SFT2D3: variants seen among roughly 807,000 people sequenced by gnomAD.
The protein encoded by SFT2D3 is SFT2 domain containing 3, also known as vesicle transport protein SFT2C.
For synonymous variants in SFT2D3, 239 were observed against 191.2 expected, an observed-to-expected ratio of 1.25 and a Z score of -2.06; for missense variants, 405 against 334.6, an observed-to-expected ratio of 1.21 and a Z score of -1.64.
rs1685966993 is a variant in SFT2D3 at position 127,704,586 on chromosome 2, G to A, written c.*2410G>A. 6.0e-6 allele frequency: 1 copy of A among 166,994 alleles called. No homozygotes were observed. The highest frequency in any genetic ancestry group is 1.9e-4 in the East Asian group (1 of 5,184). The allele number at this position is 166,994 out of a possible 1,614,324, so 10.3% of individuals were successfully genotyped here. A position where few individuals can be genotyped will look rare whatever the true frequency, so the allele number is the denominator to read the frequency against. ...CTCCTAATAGCATGTTTATGGTGGA[G>A]CGCTGATTAAATAAGCTGTAATTTC... On this transcript the variant is annotated 3_prime_UTR_variant, in exon 1 of 1. Coordinates refer to ENST00000310981, the MANE Select transcript of SFT2D3 (RefSeq NM_032740.4).
At position 127,702,329 on chromosome 2, in the gene SFT2D3, C is replaced by A; in HGVS notation, c.*153C>A. 1.3e-6 allele frequency: 1 copy of A among 761,604 alleles called. No individual in the cohort carries two copies. Among genetic ancestry groups the A allele is most frequent in the Non-Finnish European group, 1.8e-6 (1 of 569,336 alleles). The allele number at this position is 761,604 out of a possible 1,614,324, so 47.2% of individuals were successfully genotyped here. A position where few individuals can be genotyped will look rare whatever the true frequency, so the allele number is the denominator to read the frequency against. ...GAGTCTAATCCGGGAGCGGCTGCTG[C>A]CAGCGGAGGCGACAGCAGCGTTGGG... On this transcript the variant is annotated 3_prime_UTR_variant, in exon 1 of 1. Coordinates refer to ENST00000310981, the MANE Select transcript of SFT2D3 (RefSeq NM_032740.4).
Position 127,702,233 on chromosome 2 carries a change from C to A in SFT2D3, c.*57C>A. 8.4e-7 allele frequency: 1 copy of A among 1,190,316 alleles called. No homozygotes were observed. The highest frequency in any genetic ancestry group is 1.0e-6 in the Non-Finnish European group (1 of 954,190). 73.7% of individuals were successfully genotyped at this position (1,190,316 alleles called of 1,614,324 possible). ...GCGGAGCCAGCGCCGTCGGAGACCGCGCCGGCCGAGCTGAGGACTGCACGC... is the reference window on the plus strand; with the variant it reads ...GCGGAGCCAGCGCCGTCGGAGACCGAGCCGGCCGAGCTGAGGACTGCACGC... On this transcript the variant is annotated 3_prime_UTR_variant, in exon 1 of 1. Transcript: ENST00000310981.
chr2:127,703,545 T>C lies in SFT2D3; in HGVS notation c.*1369T>C, dbSNP rs775553872. The C allele has an allele frequency of 2.4e-5, 4 of 167,238 alleles. No individual in the cohort carries two copies. Among genetic ancestry groups the C allele is most frequent in the Middle Eastern group, 3.4e-3 (1 of 296 alleles). 10.4% of individuals were successfully genotyped at this position (167,238 alleles called of 1,614,324 possible). A position where few individuals can be genotyped will look rare whatever the true frequency, so the allele number is the denominator to read the frequency against. ...TGACACAAGTGGCCAACATCCACAC[T>C]GTAGGCTTGCAGGCTACCCGCCCTG... On this transcript the variant is annotated 3_prime_UTR_variant, in exon 1 of 1. Transcript: ENST00000310981.
In SFT2D3 at chr2:127,702,009, C is replaced by T; in HGVS notation, c.481C>T (p.Leu161=). The part of the protein sequence containing the change: ...AALGATLFAA[L]GLRSTLLTVL... ...GCTGGGCGCCACGCTGTTCGCCGCG[C>T]TGGGCCTTCGCAGCACGCTGCTCAC... Residue 161 remains leucine (L), a synonymous_variant, in exon 1 of 1, where the codon CTG becomes TTG. Transcript: ENST00000310981. The T allele has an allele frequency of 1.5e-6, 2 of 1,309,448 alleles. No individual in the cohort carries two copies. Among genetic ancestry groups the T allele is most frequent in the Non-Finnish European group, 1.9e-6 (2 of 1,032,250 alleles). 81.1% of individuals were successfully genotyped at this position (1,309,448 alleles called of 1,614,324 possible). A position where few individuals can be genotyped will look rare whatever the true frequency, so the allele number is the denominator to read the frequency against.
In SFT2D3 at chr2:127,702,463, C is replaced by T. The variant is rs1685918004; in HGVS notation, c.*287C>T. The T allele has an allele frequency of 4.2e-6, 1 of 236,186 alleles. No individual in the cohort carries two copies. Among genetic ancestry groups the T allele is most frequent in the East Asian group, 1.0e-4 (1 of 9,854 alleles). 14.6% of individuals were successfully genotyped at this position (236,186 alleles called of 1,614,324 possible). A position where few individuals can be genotyped will look rare whatever the true frequency, so the allele number is the denominator to read the frequency against. ...TGAGACGGTTATTAGAAGTTGCTTT[C>T]GAAGTAACTGTGGTCTTAGGTTCGG... On this transcript the variant is annotated 3_prime_UTR_variant, in exon 1 of 1. Transcript: ENST00000310981.
chr2:127,703,465 A>G lies in SFT2D3; in HGVS notation c.*1289A>G, dbSNP rs1018195614. 3 of 166,956 alleles carry G rather than the reference A, an allele frequency of 1.8e-5. No homozygotes were observed. The highest frequency in any genetic ancestry group is 3.9e-4 in the East Asian group (2 of 5,192). The allele number at this position is 166,956 out of a possible 1,614,324, so 10.3% of individuals were successfully genotyped here. A position where few individuals can be genotyped will look rare whatever the true frequency, so the allele number is the denominator to read the frequency against. On this transcript the variant is annotated 3_prime_UTR_variant, in exon 1 of 1. Transcript: ENST00000310981. The stretch of plus-strand genomic sequence containing the variant: ...CAGTAGAGCACTGCTGCTTCCTCCA[A>G]CCCCAAAATTTATGTTCCTAAGTAA...
chr2:127,701,857 T>C lies in SFT2D3; in HGVS notation c.329T>C (p.Leu110Pro). The C allele has an allele frequency of 2.7e-6, 4 of 1,459,860 alleles. No individual in the cohort carries two copies. Among genetic ancestry groups the C allele is most frequent in the Non-Finnish European group, 3.6e-6 (4 of 1,111,144 alleles). 90.4% of individuals were successfully genotyped at this position (1,459,860 alleles called of 1,614,324 possible). The part of the protein sequence containing the change: ...VLLLRARKFA[L>P]LWSLGSALAL... ...CTGCTGCGCGCGCGCAAGTTCGCGCTGCTCTGGTCACTGGGCTCGGCGCTG... is the reference window on the plus strand; with the variant it reads ...CTGCTGCGCGCGCGCAAGTTCGCGCCGCTCTGGTCACTGGGCTCGGCGCTG... The change falls in exon 1 of 1, where the codon CTG (leucine) becomes CCG (proline). Residue 110 changes from leucine (L) to proline (P), a missense_variant. By Grantham distance (98) the Leu-to-Pro change is moderately conservative. Coordinates refer to ENST00000310981, the MANE Select transcript of SFT2D3 (RefSeq NM_032740.4).
In SFT2D3 at chr2:127,701,892, G is replaced by T. The variant is rs777128165; in HGVS notation, c.364G>T (p.Gly122Ter). The T allele has an allele frequency of 6.9e-7, 1 of 1,456,412 alleles. No homozygotes were observed. The highest frequency in any genetic ancestry group is 2.5e-5 in the Admixed American group (1 of 39,558). 90.2% of individuals were successfully genotyped at this position (1,456,412 alleles called of 1,614,324 possible). A position where few individuals can be genotyped will look rare whatever the true frequency, so the allele number is the denominator to read the frequency against. The part of the protein sequence containing the change: ...WSLGSALALA[G>*]SALLRGGAAC... ...ACTGGGCTCGGCGCTGGCGTTGGCG[G>T]GAAGCGCGCTGCTGCGGGGCGGCGC... The change falls in exon 1 of 1, where the codon GGA (glycine) becomes TGA (stop). Residue 122 changes from glycine to a stop codon, truncating the protein, a stop_gained. Transcript: ENST00000310981. LOFTEE classifies it low-confidence loss of function (END_TRUNC).
At position 127,701,543 on chromosome 2, in the gene SFT2D3, C is replaced by T. The variant is rs751417178; in HGVS notation, c.15C>T (p.His5=). The T allele has an allele frequency of 4.5e-6, 6 of 1,345,278 alleles. No homozygotes were observed. The highest frequency in any genetic ancestry group is 2.8e-4 in the Middle Eastern group (1 of 3,510). 83.3% of individuals were successfully genotyped at this position (1,345,278 alleles called of 1,614,324 possible). Residue 5 remains histidine, a synonymous_variant, in exon 1 of 1, where the codon CAC becomes CAT. Coordinates refer to ENST00000310981, the MANE Select transcript of SFT2D3 (RefSeq NM_032740.4). MADL[H]RQLQEYLAQG... is the part of the protein sequence containing the mutation. ...CCTTGTCCAAGATGGCGGACCTCCA[C>T]CGCCAGCTGCAGGAGTACCTGGCGC...
At position 127,701,718 on chromosome 2, in the gene SFT2D3, G is replaced by A. The variant is rs1685886621; in HGVS notation, c.190G>A (p.Gly64Ser). ...GAGCCCTGCGGAGTCGGCAGCGGCC[G>A]GCCTGACGTGCCTCCCGAGCGTGAC... The part of the protein sequence containing the change: ...ARSPAESAAA[G>S]LTCLPSVTRG... The change falls in exon 1 of 1, where the codon GGC (glycine) becomes AGC (serine). Residue 64 changes from glycine (G) to serine (S), a missense_variant. By Grantham distance (56) the Gly-to-Ser change is moderately conservative (BLOSUM62 0). Transcript: ENST00000310981. 12 of 1,365,726 alleles carry A rather than the reference G, an allele frequency of 8.8e-6. No homozygotes were observed. Among genetic ancestry groups the A allele is most frequent in the Non-Finnish European group, 1.1e-5 (12 of 1,061,404 alleles). 84.6% of individuals were successfully genotyped at this position (1,365,726 alleles called of 1,614,324 possible).
chr2:127,705,084 GAAA>G lies in SFT2D3; in HGVS notation c.*2913_*2915del, dbSNP rs1289338021. ...GCAAGACTCTGTCAAAAAAGGAAAA[GAAA>G]AAAAGAAACTTCCAGCACCACTAAA... On this transcript the variant is annotated 3_prime_UTR_variant, in exon 1 of 1. Transcript: ENST00000310981. This position sits in a 1 kb window ranked among gnomAD's most constrained non-coding sequence, Gnocchi z 4.5. 6.0e-6 allele frequency: 1 copy of G among 166,374 alleles called. No individual in the cohort carries two copies. The highest frequency in any genetic ancestry group is 1.5e-5 in the Non-Finnish European group (1 of 67,992). The allele number at this position is 166,374 out of a possible 1,614,324, so 10.3% of individuals were successfully genotyped here.
rs1685959413 is a variant in SFT2D3, at chr2:127,704,196, A to T, written c.*2020A>T. On this transcript the variant is annotated 3_prime_UTR_variant, in exon 1 of 1. Transcript: ENST00000310981. ...CTTCAAATCACAACATCTAGTATGTATGCTGACAGTGATGTTTTTAAATGC... is the reference window on the plus strand; with the variant it reads ...CTTCAAATCACAACATCTAGTATGTTTGCTGACAGTGATGTTTTTAAATGC... 6.0e-6 allele frequency: 1 copy of T among 166,602 alleles called. No homozygotes were observed. The highest frequency in any genetic ancestry group is 1.5e-5 in the Non-Finnish European group (1 of 68,076). 10.3% of individuals were successfully genotyped at this position (166,602 alleles called of 1,614,324 possible).
rs1685896035 is a variant in SFT2D3, at chr2:127,701,881, TG to T, written c.355del (p.Ala119ArgfsTer175). Reference sequence around the variant, plus strand: ...CTGCTCTGGTCACTGGGCTCGGCGCTGGCGTTGGCGGGAAGCGCGCTGCTGC... The same window carrying T: ...CTGCTCTGGTCACTGGGCTCGGCGCTGCGTTGGCGGGAAGCGCGCTGCTGC... Reference protein sequence around the residue: ...FALLWSLGSALALAGSALLRG... With the variant: ...FALLWSLGSAXALAGSALLRG... On this transcript the variant is annotated frameshift_variant, in exon 1 of 1. Coordinates refer to ENST00000310981, the MANE Select transcript of SFT2D3 (RefSeq NM_032740.4). LOFTEE classifies it low-confidence loss of function (END_TRUNC). The T allele has an allele frequency of 1.4e-6, 2 of 1,457,322 alleles. No homozygotes were observed. The highest frequency in any genetic ancestry group is 1.8e-6 in the Non-Finnish European group (2 of 1,110,610). The allele number at this position is 1,457,322 out of a possible 1,614,324, so 90.3% of individuals were successfully genotyped here.
Position 127,704,111 on chromosome 2 carries a change from G to A in SFT2D3, c.*1935G>A, listed in dbSNP as rs745505552. 6 of 166,538 alleles carry A rather than the reference G, an allele frequency of 3.6e-5. No individual in the cohort carries two copies. The highest frequency in any genetic ancestry group is 8.8e-5 in the Non-Finnish European group (6 of 68,076). 10.3% of individuals were successfully genotyped at this position (166,538 alleles called of 1,614,324 possible). ...TGCACCACAGCCTAGGCAACAGCGA[G>A]ACCTTGTCTCAAAAATTTTTTCTCA... On this transcript the variant is annotated 3_prime_UTR_variant, in exon 1 of 1. Coordinates refer to ENST00000310981, the MANE Select transcript of SFT2D3 (RefSeq NM_032740.4).
In SFT2D3 at chr2:127,702,135, C is replaced by T; in HGVS notation, c.607C>T (p.Leu203=). The T allele has an allele frequency of 1.6e-6, 2 of 1,216,274 alleles. No homozygotes were observed. Among genetic ancestry groups the T allele is most frequent in the Non-Finnish European group, 2.0e-6 (2 of 978,782 alleles). 75.3% of individuals were successfully genotyped at this position (1,216,274 alleles called of 1,614,324 possible). ...GTALRLALGR[L]GRGAGLAKVL... ...CGCGCTGCGCCTCGCACTGGGTCGC[C>T]TGGGCCGCGGCGCCGGCCTCGCCAA... is the stretch of plus-strand genomic sequence containing the variant. Residue 203 remains leucine (L), a synonymous_variant, in exon 1 of 1, where the codon CTG becomes TTG. Transcript: ENST00000310981.
rs1685876781 is a variant in SFT2D3, at chr2:127,701,534, G to A, written c.6G>A (p.Ala2=). The A allele has an allele frequency of 3.0e-6, 4 of 1,337,350 alleles. No individual in the cohort carries two copies. The highest frequency in any genetic ancestry group is 3.0e-5 in the East Asian group (1 of 33,476). The allele number at this position is 1,337,350 out of a possible 1,614,324, so 82.8% of individuals were successfully genotyped here. A position where few individuals can be genotyped will look rare whatever the true frequency, so the allele number is the denominator to read the frequency against. ...CTGCCACCGCCTTGTCCAAGATGGC[G>A]GACCTCCACCGCCAGCTGCAGGAGT... The part of the protein sequence containing the change: M[A]DLHRQLQEYL... Residue 2 remains alanine (A), a synonymous_variant, in exon 1 of 1, where the codon GCG becomes GCA. Coordinates refer to ENST00000310981, the MANE Select transcript of SFT2D3 (RefSeq NM_032740.4).
At position 127,701,872 on chromosome 2, in the gene SFT2D3, G is replaced by C; in HGVS notation, c.344G>C (p.Gly115Ala). ...ARKFALLWSLGSALALAGSAL... is the reference protein window; with the variant it reads ...ARKFALLWSLASALALAGSAL... ...AAGTTCGCGCTGCTCTGGTCACTGGGCTCGGCGCTGGCGTTGGCGGGAAGC... is the reference window on the plus strand; with the variant it reads ...AAGTTCGCGCTGCTCTGGTCACTGGCCTCGGCGCTGGCGTTGGCGGGAAGC... Residue 115 changes from glycine (G) to alanine (A), a missense_variant, in exon 1 of 1, where the codon GGC (glycine) becomes GCC (alanine). By Grantham distance (60) the Gly-to-Ala change is moderately conservative (BLOSUM62 0). Transcript: ENST00000310981. 5 of 1,459,536 alleles carry C rather than the reference G, an allele frequency of 3.4e-6. No homozygotes were observed. The highest frequency in any genetic ancestry group is 4.5e-6 in the Non-Finnish European group (5 of 1,111,400). 90.4% of individuals were successfully genotyped at this position (1,459,536 alleles called of 1,614,324 possible).
In SFT2D3 at chr2:127,703,478, T is replaced by C. The variant is rs1251747354; in HGVS notation, c.*1302T>C. 4 of 167,116 alleles carry C rather than the reference T, an allele frequency of 2.4e-5. No individual in the cohort carries two copies. The highest frequency in any genetic ancestry group is 6.5e-5 in the Admixed American group (1 of 15,284). 10.4% of individuals were successfully genotyped at this position (167,116 alleles called of 1,614,324 possible). Reference sequence around the variant, plus strand: ...CTGCTTCCTCCAACCCCAAAATTTATGTTCCTAAGTAAGTCAGGTCCCTAA... The same window carrying C: ...CTGCTTCCTCCAACCCCAAAATTTACGTTCCTAAGTAAGTCAGGTCCCTAA... On this transcript the variant is annotated 3_prime_UTR_variant, in exon 1 of 1. Transcript: ENST00000310981.
chr2:127,702,008 GC>G lies in SFT2D3; in HGVS notation c.481del (p.Leu161TrpfsTer133). The G allele has an allele frequency of 7.6e-7, 1 of 1,309,926 alleles. No homozygotes were observed. Among genetic ancestry groups the G allele is most frequent in the South Asian group, 2.0e-5 (1 of 50,786 alleles). The allele number at this position is 1,309,926 out of a possible 1,614,324, so 81.1% of individuals were successfully genotyped here. A position where few individuals can be genotyped will look rare whatever the true frequency, so the allele number is the denominator to read the frequency against. ...AALGATLFAA[L>X]GLRSTLLTVL... The stretch of plus-strand genomic sequence containing the variant: ...CGCTGGGCGCCACGCTGTTCGCCGC[GC>G]TGGGCCTTCGCAGCACGCTGCTCAC... On this transcript the variant is annotated frameshift_variant, in exon 1 of 1. Transcript: ENST00000310981. LOFTEE classifies it low-confidence loss of function (END_TRUNC).
Sources: gnomAD v4.1 joint callset for allele counts on GRCh38, gnomAD v4.1.1 for gene constraint, Gnocchi (gnomAD v3.1) non-coding constraint, MANE v1.5 for transcripts, NCBI Gene and HGNC (gene_info 2026-07-23, HGNC 2026-07-21) for gene names.